Variants in NXNL2 observed in about 807,000 individuals in gnomAD.
The protein encoded by NXNL2 is nucleoredoxin like 2.
In NXNL2, 7 loss-of-function variants were observed where a neutral mutation model predicts 11.1. The ratio of observed to expected loss-of-function variants is 0.63; its 90% CI spans 0.36 to 1.18. NXNL2 has a LOEUF of 1.18. NXNL2 is among the 50% of genes most tolerant of loss of function. The pLI, the probability that NXNL2 is intolerant of heterozygous loss-of-function variation, is 0.02. For synonymous variants in NXNL2, 109 were observed against 101.8 expected, an observed-to-expected ratio of 1.07 and a Z score of -0.42; for missense variants, 233 against 217.7, an observed-to-expected ratio of 1.07 and a Z score of -0.44.
intron 2 of NXNL2, among the ~76,000 whole-genome samples, chr9:88,572,327 G>C (rs1196301622): frequency 6.6e-6 from 1 of 152,066 alleles, no homozygotes; most frequent in African/African-American, 2.4e-5. Flanking sequence ...GGTGGGGACA[G>C]CTCCTAGGGC....
At chr9:88,563,556 A>G (rs10868794) in intron 1 of NXNL2, among the ~76,000 whole-genome samples, 43,570 of 151,972 alleles carry the variant, frequency 0.29, 10,396 homozygotes, top group East Asian at 0.77. Context: ...TACTCACTCC[A>G]GACTCCCTAT....
chr9:88,556,133 C>G (rs547229187), intron 1 of NXNL2, among the ~76,000 whole-genome samples: 33 of 152,236 alleles, frequency 2.2e-4, no homozygotes, highest in Non-Finnish European at 4.1e-4. Context: ...AGGTCTCGGC[C>G]CCCAGAGGGT....
intron 1 of NXNL2, among the ~76,000 whole-genome samples, chr9:88,582,456 G>A (rs1285746838): frequency 2.6e-5 from 4 of 152,054 alleles, no homozygotes; most frequent in Admixed American, 2.0e-4. Context: ...GCGACAGAGA[G>A]AGACTTCATC....
At chr9:88,575,923 G>C (rs1456437930), downstream of NXNL2, 1 of 152,158 alleles carries the variant, frequency 6.6e-6, no homozygotes, top group Admixed American at 6.5e-5. Context: ...GGCCAGGCAC[G>C]GTGGCTCATA....
chr9:88,540,068 C>T (rs893802738), intron 1 of NXNL2, among the ~76,000 whole-genome samples: 4 of 151,928 alleles, frequency 2.6e-5, no homozygotes, highest in African/African-American at 7.2e-5. Context: ...CGTGGTGGCT[C>T]ACGCCTGTAA....
At position 88,540,311 on chromosome 9, in the gene NXNL2, G is replaced by A. The variant is rs1006992091; in HGVS notation, c.303-4068G>A. Among the ~76,000 whole-genome samples the A allele has an allele frequency of 3.1e-4, 47 of 150,468 alleles. No homozygotes were observed. In the East Asian group the frequency reaches 3.6e-3, roughly 11 times the overall value. ...TGTACCACTGCACTCCAGTCTGGGC[G>A]AAAGAGCGAGACTCCATCTTAAAAA... On this transcript the variant is annotated intron_variant, in intron 1 of 1. Coordinates refer to ENST00000375854, the MANE Select transcript of NXNL2 (RefSeq NM_001161625.2).
downstream of NXNL2, among the ~76,000 whole-genome samples, chr9:88,548,672 G>C (rs1829885514): frequency 8.0e-6 from 1 of 124,566 alleles, no homozygotes; most frequent in South Asian, 2.6e-4. Context: ...AACAGAGCAA[G>C]ACTCTGTCTC....
downstream of NXNL2, among the ~76,000 whole-genome samples, chr9:88,579,031 T>A (rs1055223759): frequency 3.9e-5 from 6 of 152,172 alleles, no homozygotes; most frequent in Non-Finnish European, 5.9e-5. Context: ...AAAGTCTCGA[T>A]TTCTTGCTGA....
In NXNL2 at chr9:88,544,504, A is replaced by C; in HGVS notation, c.428A>C (p.Asp143Ala). 1.3e-6 allele frequency: 2 copies of C among 1,550,890 alleles called. No homozygotes were observed. The highest frequency in any genetic ancestry group is 1.4e-5 in the African/African-American group (1 of 73,154). ...GAACGGGGGTTGGCCTGCTTCCAGG[A>C]CTGGGTGGAGGCGGCCGATATCTTC... Reference protein sequence around the residue: ...IRERGLACFQDWVEAADIFQN... With the variant: ...IRERGLACFQAWVEAADIFQN... Residue 143 changes from aspartate to alanine, a missense_variant, in exon 2 of 2, where the codon GAC (aspartate) becomes GCC (alanine). Physicochemically the swap from Asp to Ala is moderately radical, Grantham distance 126. Transcript: ENST00000375854.
chr9:88,559,599 C>T (rs933989480), intron 1 of NXNL2, among the ~76,000 whole-genome samples: 1 of 152,204 alleles, frequency 6.6e-6, no homozygotes, highest in African/African-American at 2.4e-5. Context: ...GCCTAGGTGG[C>T]CAGCTACTGC....
At position 88,544,598 on chromosome 9, in the gene NXNL2, A is replaced by G. The variant is rs974296953; in HGVS notation, c.*51A>G. On this transcript the variant is annotated 3_prime_UTR_variant, in exon 2 of 2. Transcript: ENST00000375854. ...GACAGGTGCTGCTTCTCCAGCACCGACGCTGGGGCAAAGAGGAGCATGTTG... is the reference window on the plus strand; with the variant it reads ...GACAGGTGCTGCTTCTCCAGCACCGGCGCTGGGGCAAAGAGGAGCATGTTG... 1.7e-5 allele frequency: 25 copies of G among 1,463,460 alleles called. No homozygotes were observed. The African/African-American group carries it at 3.4e-4, about 20-fold the overall frequency. 90.7% of individuals were successfully genotyped at this position (1,463,460 alleles called of 1,614,324 possible). A position where few individuals can be genotyped will look rare whatever the true frequency, so the allele number is the denominator to read the frequency against.
downstream of NXNL2, among the ~76,000 whole-genome samples, chr9:88,584,442 G>T (rs1369739222): frequency 6.6e-6 from 1 of 152,182 alleles, no homozygotes; most frequent in Non-Finnish European, 1.5e-5. Flanking sequence ...AACTAATCCT[G>T]CCGGGCATCT....
intron 1 of NXNL2, among the ~76,000 whole-genome samples, chr9:88,540,542 C>T (rs1234787447): frequency 1.3e-5 from 2 of 152,202 alleles, no homozygotes; most frequent in East Asian, 1.9e-4. Flanking sequence ...CATGAATTCA[C>T]ATCTGCTCTG....
At chr9:88,578,175 G>A (rs1830368449), downstream of NXNL2, among the ~76,000 whole-genome samples, 1 of 152,220 alleles carries the variant, frequency 6.6e-6, no homozygotes. Context: ...AGAGAAAATG[G>A]AGTTCCATCA....
intron 1 of NXNL2, among the ~76,000 whole-genome samples, chr9:88,565,311 C>A (rs1489255583): frequency 6.6e-6 from 1 of 152,132 alleles, no homozygotes; most frequent in Admixed American, 6.5e-5. Flanking sequence ...AATAATGCTG[C>A]AGGGGACATG....
chr9:88,540,428 A>T (rs1299759055), intron 1 of NXNL2, among the ~76,000 whole-genome samples: 1 of 148,414 alleles, frequency 6.7e-6, no homozygotes, highest in Non-Finnish European at 1.5e-5. Flanking sequence ...TGGTTCATTG[A>T]CCTGTCCAGG....
At chr9:88,539,017 C>T (rs1398486484) in intron 1 of NXNL2, among the ~76,000 whole-genome samples, 1 of 152,176 alleles carries the variant, frequency 6.6e-6, no homozygotes, top group Non-Finnish European at 1.5e-5. Flanking sequence ...CCTGTACTCC[C>T]CGTGCTGTCA....
At chr9:88,548,382 A>AGCTGGGT (rs1187206931), downstream of NXNL2, among the ~76,000 whole-genome samples, 816 of 102,708 alleles carry the variant, frequency 7.9e-3, 21 homozygotes, top group African/African-American at 0.031. Context: ...AAAAAAAAAA[A>AGCTGGGT]GCTGGGTGCT....
intron 2 of NXNL2, among the ~76,000 whole-genome samples, chr9:88,573,424 A>G (rs1830303654): frequency 6.6e-6 from 1 of 152,232 alleles, no homozygotes; most frequent in East Asian, 1.9e-4. Context: ...GATTACACGC[A>G]TGAGCCACTG....
Sources: allele counts gnomAD v4.1 joint callset (sites outside exome capture counted in the v4.1 genomes callset), GRCh38; gene constraint gnomAD v4.1.1; transcripts MANE v1.5; gene names NCBI Gene and HGNC (gene_info 2026-07-23, HGNC 2026-07-21).